Variants in JMJD1C observed in about 807,000 individuals in gnomAD.
JMJD1C encodes the protein jumonji domain containing 1C.
A neutral mutation model predicts 245.3 loss-of-function variants in JMJD1C; 31 were observed. The ratio of observed to expected loss-of-function variants is 0.13; its 90% CI spans 0.09 to 0.17. The LOEUF is 0.17. Ranked by LOEUF, JMJD1C falls within the 10% of genes least tolerant of loss-of-function variation. The pLI is 1.00. For synonymous variants in JMJD1C, 1,057 were observed against 1,017.4 expected, an observed-to-expected ratio of 1.04 and a Z score of -0.74; for missense variants, 2,691 against 3,000.2, an observed-to-expected ratio of 0.90 and a Z score of 2.41.
At chr10:63,512,379 T>C in intron 1 of JMJD1C, among the ~76,000 whole-genome samples, 1 of 152,274 alleles carries the variant, frequency 6.6e-6, no homozygotes, top group African/African-American at 2.4e-5. Context: ...TTCTTACAAA[T>C]CGGATTTGCA....
intron 2 of JMJD1C, among the ~76,000 whole-genome samples, chr10:63,329,889 G>A (rs894628347): frequency 2.0e-5 from 3 of 152,024 alleles, no homozygotes; most frequent in Admixed American, 2.0e-4. Flanking sequence ...TAAGTGTCCT[G>A]AGCATGTTTT....
chr10:63,303,957 T>G (rs1860385811), intron 2 of JMJD1C, among the ~76,000 whole-genome samples: 1 of 152,184 alleles, frequency 6.6e-6, no homozygotes, highest in South Asian at 2.1e-4. Context: ...GAAGGAATAG[T>G]AAGGATATCC....
At chr10:63,426,583 A>G (rs1279994246) in intron 1 of JMJD1C, among the ~76,000 whole-genome samples, 1 of 152,100 alleles carries the variant, frequency 6.6e-6, no homozygotes, top group Non-Finnish European at 1.5e-5. Flanking sequence ...AGGCAGGAGA[A>G]TCACCTGAAC....
At chr10:63,283,688 C>T (rs1188596631) in intron 2 of JMJD1C, among the ~76,000 whole-genome samples, 3 of 152,052 alleles carry the variant, frequency 2.0e-5, no homozygotes, top group African/African-American at 2.4e-5. Context: ...TTTAATAGAA[C>T]CATTCTTCTT....
At chr10:63,491,776 G>A (rs1373318560) in intron 1 of JMJD1C, among the ~76,000 whole-genome samples, 1 of 152,132 alleles carries the variant, frequency 6.6e-6, no homozygotes, top group African/African-American at 2.4e-5. Context: ...GCAGGTTTGG[G>A]CTCCTCACTC....
intron 2 of JMJD1C, among the ~76,000 whole-genome samples, chr10:63,298,653 T>C (rs1186112588): frequency 1.3e-5 from 2 of 152,244 alleles, no homozygotes; most frequent in African/African-American, 4.8e-5. Flanking sequence ...AATATATCTT[T>C]TTGGGGAAAA....
chr10:63,295,954 CGTATATGTGTGTGTGTGTGTGT>C (rs1261297427), intron 2 of JMJD1C, among the ~76,000 whole-genome samples: 2 of 28,414 alleles, frequency 7.0e-5, no homozygotes, highest in African/African-American at 2.3e-4. Flanking sequence ...TATATATACA[CGTATATGTGTGTGTGTGTGTGT>C]GTGTGTGTGT....
At chr10:63,401,661 C>G (rs2132589993) in intron 1 of JMJD1C, among the ~76,000 whole-genome samples, 1 of 152,178 alleles carries the variant, frequency 6.6e-6, no homozygotes, top group African/African-American at 2.4e-5. Flanking sequence ...AAAGAGTGTG[C>G]ATTATGAAGC....
intron 1 of JMJD1C, among the ~76,000 whole-genome samples, chr10:63,412,293 C>G (rs1949533139): frequency 6.6e-6 from 1 of 151,910 alleles, no homozygotes; most frequent in South Asian, 2.1e-4. Flanking sequence ...GTAAAGTAAG[C>G]TAGAGAAGTT....
chr10:63,321,750 T>C (rs1940895307), intron 2 of JMJD1C, among the ~76,000 whole-genome samples: 1 of 152,202 alleles, frequency 6.6e-6, no homozygotes, highest in Non-Finnish European at 1.5e-5. Flanking sequence ...ACTTTACAAG[T>C]GTACGCGAGT....
chr10:63,275,569 G>C (rs1856700139), intron 2 of JMJD1C, among the ~76,000 whole-genome samples: 1 of 152,038 alleles, frequency 6.6e-6, no homozygotes, highest in South Asian at 2.1e-4. Flanking sequence ...TTGGAAGAAA[G>C]AAAAGCTTAT....
At chr10:63,190,593 C>T (rs1207080657) in intron 17 of JMJD1C, among the ~76,000 whole-genome samples, 1 of 152,136 alleles carries the variant, frequency 6.6e-6, no homozygotes, top group South Asian at 2.1e-4. Flanking sequence ...AAGTAACATA[C>T]AACATTCACT....
intron 1 of JMJD1C, among the ~76,000 whole-genome samples, chr10:63,485,397 C>T (rs928741701): frequency 4.6e-5 from 7 of 152,088 alleles, no homozygotes; most frequent in Non-Finnish European, 8.8e-5. Context: ...TCCATTTCTA[C>T]CTCACAAGTC....
At chr10:63,357,035 C>T (rs1444476680) in intron 2 of JMJD1C, among the ~76,000 whole-genome samples, 1 of 151,674 alleles carries the variant, frequency 6.6e-6, no homozygotes, top group Non-Finnish European at 1.5e-5. Context: ...ATATTACTGA[C>T]ATTATATCTT....
chr10:63,486,137 TAAAAAAA>T (rs1166721473), intron 1 of JMJD1C, among the ~76,000 whole-genome samples: 1,650 of 73,100 alleles, frequency 0.023, 28 homozygotes, highest in Admixed American at 0.13. Flanking sequence ...CAAGCAATTG[TAAAAAAA>T]AAAAAAAAAA....
In JMJD1C at chr10:63,189,352, A is replaced by C. The variant is rs369773366; in HGVS notation, c.6386T>G (p.Ile2129Arg). ...TTCTTTAAGCTCTGGTTTTACATTTATCTTGGAGGTTTTACTTGGTGGAAT... is the reference window on the plus strand; with the variant it reads ...TTCTTTAAGCTCTGGTTTTACATTTCTCTTGGAGGTTTTACTTGGTGGAAT... ...NKIPPSKTSK[I>R]NVKPELKEEP... Residue 2129 changes from isoleucine to arginine, a missense_variant, in exon 18 of 26, where the codon ATA (isoleucine) becomes AGA (arginine). Physicochemically the swap from Ile to Arg is moderately conservative, Grantham distance 97 (BLOSUM62 -3). This residue lies in a region of JMJD1C where 275 missense variants were observed against 285.5 expected (regional missense o/e 0.96). Coordinates refer to ENST00000399262, the MANE Select transcript of JMJD1C (RefSeq NM_032776.3). 2 of 1,613,668 alleles carry C rather than the reference A, an allele frequency of 1.2e-6. No homozygotes were observed. Among genetic ancestry groups the C allele is most frequent in the African/African-American group, 1.3e-5 (1 of 74,896 alleles).
chr10:63,436,918 TTTCACA>T (rs1206866601), intron 1 of JMJD1C, among the ~76,000 whole-genome samples: 2 of 152,254 alleles, frequency 1.3e-5, no homozygotes, highest in East Asian at 3.9e-4. Flanking sequence ...TATTTTTCTT[TTTCACA>T]TTCAAGTTCC....
At chr10:63,187,191 G>T (rs555614512) in intron 18 of JMJD1C, among the ~76,000 whole-genome samples, 1 of 151,910 alleles carries the variant, frequency 6.6e-6, no homozygotes, top group African/African-American at 2.4e-5. Flanking sequence ...CTACATGGTT[G>T]AATGTTCCAT....
At chr10:63,366,366 C>A (rs984945346) in intron 2 of JMJD1C, among the ~76,000 whole-genome samples, 2 of 152,090 alleles carry the variant, frequency 1.3e-5, no homozygotes, top group Non-Finnish European at 2.9e-5. Flanking sequence ...CATTTGGACT[C>A]CTCCTGGATT....
Sources: allele counts gnomAD v4.1 joint callset (sites outside exome capture counted in the v4.1 genomes callset), GRCh38; gene constraint gnomAD v4.1.1; regional missense constraint gnomAD v4.1.1; transcripts MANE v1.5; gene names NCBI Gene and HGNC (gene_info 2026-07-23, HGNC 2026-07-21).